TRPC3: variants seen among roughly 807,000 people sequenced by gnomAD.
TRPC3 encodes transient receptor potential cation channel subfamily C member 3.
In TRPC3, 54 loss-of-function variants were observed where a neutral mutation model predicts 90.9. The observed-to-expected ratio is 0.59, with a 90% CI of 0.48 to 0.75. The LOEUF (loss-of-function observed/expected upper bound fraction) is 0.75, where lower values mean the gene tolerates loss of function less well. TRPC3 is among the 30% of genes least tolerant of loss of function. The probability of loss-of-function intolerance (pLI) is 0.00; values close to 1 mark genes in which losing one functional copy is unlikely to be tolerated. For missense variants in TRPC3, 918 were observed against 1,194.5 expected, an observed-to-expected ratio of 0.77 and a Z score of 3.41; for synonymous variants, 424 against 450.9, an observed-to-expected ratio of 0.94 and a Z score of 0.75.
At chr4:121,922,671 A>G (rs964023697) in intron 3 of TRPC3, among the ~76,000 whole-genome samples, 4 of 152,238 alleles carry the variant, frequency 2.6e-5, no homozygotes, top group African/African-American at 9.6e-5. Flanking sequence ...CAATGATAAA[A>G]AACCAGTGAC....
intron 3 of TRPC3, among the ~76,000 whole-genome samples, chr4:121,923,051 A>AAG (rs952567982): frequency 3.9e-5 from 6 of 152,038 alleles, no homozygotes; most frequent in Admixed American, 6.5e-5. Context: ...TGTGTGTCAG[A>AAG]AGAGAGAGAG....
At chr4:121,930,325 A>G (rs1234381461) in intron 2 of TRPC3, among the ~76,000 whole-genome samples, 1 of 152,164 alleles carries the variant, frequency 6.6e-6, no homozygotes, top group Non-Finnish European at 1.5e-5. Context: ...TTAACCTTAT[A>G]GATATTTGGC....
Position 121,902,874 on chromosome 4 carries a change from C to T in TRPC3, c.2441G>A (p.Gly814Glu), listed in dbSNP as rs1728748351. 6.2e-7 allele frequency: 1 copy of T among 1,610,954 alleles called. No homozygotes were observed. ...TACCCTGGACTTTGAGTTACCCATT[C>T]CCATTTCTATATCCTTCTGAAGCCT... ...RRRLQKDIEM[G>E]MGNSKSRLNL... The change falls in exon 9 of 12, where the codon GGA (glycine) becomes GAA (glutamate). Residue 814 changes from glycine (G) to glutamate (E), a missense_variant. This residue lies in a region of TRPC3 where 121 missense variants were observed against 135.7 expected (regional missense o/e 0.89). Coordinates refer to ENST00000379645, the MANE Select transcript of TRPC3 (RefSeq NM_001130698.2).
chr4:121,940,913 G>A (rs1313282174), intron 1 of TRPC3, among the ~76,000 whole-genome samples: 1 of 152,098 alleles, frequency 6.6e-6, no homozygotes, highest in African/African-American at 2.4e-5. Context: ...CTAATACAAT[G>A]TAGTATATGT....
At chr4:121,938,455 C>A (rs963502762) in intron 1 of TRPC3, among the ~76,000 whole-genome samples, 32 of 152,184 alleles carry the variant, frequency 2.1e-4, no homozygotes, top group African/African-American at 7.7e-4. Flanking sequence ...ATTCTCATTG[C>A]CAGCACCAGC....
At chr4:121,938,067 T>C (rs1730190674) in intron 1 of TRPC3, among the ~76,000 whole-genome samples, 1 of 151,924 alleles carries the variant, frequency 6.6e-6, no homozygotes, top group Non-Finnish European at 1.5e-5. Flanking sequence ...CTCTCATATA[T>C]GCCTCTACTG....
chr4:121,911,756 C>G (rs1729106005), intron 5 of TRPC3, 121 bp downstream of exon 5: 2 of 1,020,992 alleles, frequency 2.0e-6, no homozygotes, highest in African/African-American at 3.3e-5. Flanking sequence ...TTTAGCTTAT[C>G]TTGCAACAGT....
Position 121,937,223 on chromosome 4 carries a change from C to A in TRPC3, c.216-4181G>T, listed in dbSNP as rs183646641. Among the ~76,000 whole-genome samples, 54 of 152,292 alleles carry A rather than the reference C, an allele frequency of 3.5e-4. No individual in the cohort carries two copies. The South Asian group carries it at 6.0e-3, about 17-fold the overall frequency. On this transcript the variant is annotated intron_variant, in intron 1 of 11. Coordinates refer to ENST00000379645, the MANE Select transcript of TRPC3 (RefSeq NM_001130698.2). The stretch of plus-strand genomic sequence containing the variant: ...AGATGAACTAAATCAGAATCTCTCA[C>A]GGTTGGACCCTGAAATATGCCCTTT...
chr4:121,903,209 C>T (rs959342729), intron 8 of TRPC3, 148 bp from the exon 9 acceptor site: 17 of 628,618 alleles, frequency 2.7e-5, no homozygotes, highest in Admixed American at 6.8e-5. Context: ...TATAGACCTA[C>T]ACAATATTCT....
At chr4:121,920,061 T>C (rs536167886) in intron 3 of TRPC3, among the ~76,000 whole-genome samples, 83 of 152,272 alleles carry the variant, frequency 5.5e-4, no homozygotes, top group Non-Finnish European at 1.1e-3. Context: ...TAAACAAAAT[T>C]AGTGTTTTTG....
chr4:121,881,794 T>TA (rs1007265549), intron 11 of TRPC3, among the ~76,000 whole-genome samples: 7 of 152,086 alleles, frequency 4.6e-5, no homozygotes, highest in African/African-American at 9.7e-5. Context: ...TAGACTTTGG[T>TA]AAAAAATTTT....
At position 121,907,583 on chromosome 4, in the gene TRPC3, A is replaced by T. The variant is rs778895001; in HGVS notation, c.1793-16T>A. On this transcript the variant is annotated splice_polypyrimidine_tract_variant and intron_variant, in intron 6 of 11. Transcript: ENST00000379645. ...TTATCTCTAGCTAGAAAAAAGAGAG[A>T]AAGAGATTAAAAATGGAGCTTTCTA... is the stretch of plus-strand genomic sequence containing the variant. The T allele has an allele frequency of 4.4e-6, 7 of 1,584,764 alleles. No individual in the cohort carries two copies. Among genetic ancestry groups the T allele is most frequent in the Non-Finnish European group, 6.0e-6 (7 of 1,168,640 alleles).
intron 11 of TRPC3, among the ~76,000 whole-genome samples, chr4:121,881,271 A>C (rs1727932765): frequency 6.6e-6 from 1 of 152,186 alleles, no homozygotes; most frequent in African/African-American, 2.4e-5. Flanking sequence ...TTTTCTTAGT[A>C]AGAACTTTGT....
intron 1 of TRPC3, among the ~76,000 whole-genome samples, chr4:121,938,599 T>C (rs1238860053): frequency 2.6e-5 from 4 of 152,326 alleles, no homozygotes; most frequent in African/African-American, 9.6e-5. Context: ...CATATTTAAC[T>C]CTCATAACAA....
intron 1 of TRPC3, among the ~76,000 whole-genome samples, chr4:121,939,002 T>C (rs1253728564): frequency 6.6e-6 from 1 of 152,206 alleles, no homozygotes. Flanking sequence ...CATTCTTCAC[T>C]ATCCTGTAAA....
intron 3 of TRPC3, among the ~76,000 whole-genome samples, chr4:121,918,161 C>T (rs569480974): frequency 3.9e-5 from 6 of 152,304 alleles, no homozygotes; most frequent in Non-Finnish European, 8.8e-5. Context: ...ACTCTTCTGC[C>T]ATGTGAGGAC....
At chr4:121,943,678 G>C (rs946299136) in intron 1 of TRPC3, among the ~76,000 whole-genome samples, 1 of 152,026 alleles carries the variant, frequency 6.6e-6, no homozygotes, top group Admixed American at 6.6e-5. Flanking sequence ...AACTTCTACT[G>C]ACCCAAGAGA....
intron 1 of TRPC3, among the ~76,000 whole-genome samples, chr4:121,940,673 T>C (rs1342333347): frequency 1.3e-5 from 2 of 152,220 alleles, no homozygotes; most frequent in Non-Finnish European, 2.9e-5. Flanking sequence ...CAGTATGAAA[T>C]GTTGGGTCTT....
chr4:121,887,277 C>T (rs1728156364), intron 10 of TRPC3, among the ~76,000 whole-genome samples: 1 of 152,172 alleles, frequency 6.6e-6, no homozygotes, highest in Non-Finnish European at 1.5e-5. Context: ...ATAGGCATAA[C>T]TATACTACAT....
Sources: gnomAD v4.1 joint callset for allele counts (sites outside exome capture counted in the v4.1 genomes callset) on GRCh38, gnomAD v4.1.1 for gene constraint, gnomAD v4.1.1 regional missense constraint, MANE v1.5 for transcripts, NCBI Gene and HGNC (gene_info 2026-07-23, HGNC 2026-07-21) for gene names.